Variants in RFT1 observed in about 807,000 individuals in gnomAD.
The protein encoded by RFT1 is man(5)GlcNAc(2)-PP-dolichol translocation protein RFT1.
RFT1 carries 43 observed loss-of-function variants against 62.2 expected under a neutral mutation model. That is an observed-to-expected ratio of 0.69 (90% CI 0.54 to 0.89). The LOEUF (loss-of-function observed/expected upper bound fraction) is 0.89, where lower values mean the gene tolerates loss of function less well. RFT1 is among the 40% of genes least tolerant of loss of function. The pLI is 0.00. For synonymous variants in RFT1, 262 were observed against 264.6 expected, an observed-to-expected ratio of 0.99 and a Z score of 0.10; for missense variants, 605 against 649.9, an observed-to-expected ratio of 0.93 and a Z score of 0.75.
chr3:53,068,373 G>A, the RFT1 span, among the ~76,000 whole-genome samples: 10,711 of 152,196 alleles, frequency 0.07, 446 homozygotes, highest in East Asian at 0.12. Flanking sequence ...CACAGTCACC[G>A]TTTATTGGGC....
chr3:53,106,661 G>A (rs1701484109), intron 8 of RFT1, among the ~76,000 whole-genome samples, 158 bp downstream of exon 8: 1 of 152,102 alleles, frequency 6.6e-6, no homozygotes. Flanking sequence ...AAGTCATGTT[G>A]GAGGGCATAG....
intron 11 of RFT1, among the ~76,000 whole-genome samples, chr3:53,098,657 C>T (rs1415237630): frequency 6.6e-6 from 1 of 151,994 alleles, no homozygotes; most frequent in Non-Finnish European, 1.5e-5. Flanking sequence ...AAAAAATTAG[C>T]CAGGCATGGT....
At chr3:53,074,033 G>T in the RFT1 span, among the ~76,000 whole-genome samples, 1 of 152,166 alleles carries the variant, frequency 6.6e-6, no homozygotes, top group Admixed American at 6.5e-5. Flanking sequence ...GGCAGGCCCT[G>T]CGAGGGCCCA....
At chr3:53,127,589 C>A (rs1246413397) in intron 1 of RFT1, among the ~76,000 whole-genome samples, 2 of 151,326 alleles carry the variant, frequency 1.3e-5, no homozygotes, top group Non-Finnish European at 2.9e-5. Context: ...TAAGTCCCAG[C>A]TACTCGGGAG....
At chr3:53,096,685 A>G (rs1701150560) in intron 11 of RFT1, among the ~76,000 whole-genome samples, 1 of 152,106 alleles carries the variant, frequency 6.6e-6, no homozygotes, top group East Asian at 1.9e-4. Flanking sequence ...TCTTGTCTCA[A>G]AAAAAAGCAA....
intron 7 of RFT1, 82 bp downstream of exon 7, chr3:53,111,748 G>A (rs1045762952): frequency 2.6e-6 from 3 of 1,164,310 alleles, no homozygotes; most frequent in African/African-American, 3.0e-5. Context: ...TGGACAGGTG[G>A]TCTGGACCCA....
chr3:53,105,895 AGTTT>A, intron 8 of RFT1, 92 bp from the exon 9 acceptor site: 2 of 1,210,768 alleles, frequency 1.7e-6, no homozygotes, highest in Middle Eastern at 2.9e-4. Flanking sequence ...TTTTCATTAA[AGTTT>A]GTTTATCTTG....
At position 53,105,727 on chromosome 3, in the gene RFT1, A is replaced by G; in HGVS notation, c.903T>C (p.Tyr301=). 3.1e-6 allele frequency: 5 copies of G among 1,613,984 alleles called. No homozygotes were observed. The highest frequency in any genetic ancestry group is 4.2e-6 in the Non-Finnish European group (5 of 1,179,910). The part of the protein sequence containing the change: ...LIFQPIEESF[Y]IFFAKVLERG... ...TCTCCAGCACCTTAGCAAAAAATATATAAAAACTTTCCTCTATTGGCTGGA... is the reference window on the plus strand; with the variant it reads ...TCTCCAGCACCTTAGCAAAAAATATGTAAAAACTTTCCTCTATTGGCTGGA... Residue 301 remains tyrosine, a synonymous_variant, in exon 9 of 13, where the codon TAT becomes TAC. Coordinates refer to ENST00000296292, the MANE Select transcript of RFT1 (RefSeq NM_052859.4).
At chr3:53,105,208 G>A (rs1701428632) in intron 9 of RFT1, among the ~76,000 whole-genome samples, 1 of 152,238 alleles carries the variant, frequency 6.6e-6, no homozygotes, top group Non-Finnish European at 1.5e-5. Context: ...GAAGTCAGGA[G>A]TTCAAGAGCA....
In RFT1 at chr3:53,092,313, G is replaced by A. The variant is rs370562071; in HGVS notation, c.1458+56C>T. The stretch of plus-strand genomic sequence containing the variant: ...AACCTGGGAAGAGGAGGCCTAGCGG[G>A]AGAGACAGCGGGGCAGCTGCAGAAG... On this transcript the variant is annotated intron_variant, in intron 12 of 12. Transcript: ENST00000296292. 6.4e-6 allele frequency: 10 copies of A among 1,570,594 alleles called. No homozygotes were observed. In the East Asian group the frequency reaches 1.6e-4, roughly 26 times the overall value.
chr3:53,128,875 G>A (rs758256010), intron 1 of RFT1, among the ~76,000 whole-genome samples: 2 of 152,182 alleles, frequency 1.3e-5, no homozygotes, highest in African/African-American at 4.8e-5. Context: ...TAAAAACAAC[G>A]AGGTAAATGC....
At chr3:53,107,136 GTTT>G (rs144970745) in intron 7 of RFT1, among the ~76,000 whole-genome samples, 202 of 140,130 alleles carry the variant, frequency 1.4e-3, no homozygotes, top group Non-Finnish European at 1.8e-3. Flanking sequence ...GTCTAAAAAG[GTTT>G]TTTTTTTTTT....
chr3:53,096,880 G>A (rs1247428496), intron 11 of RFT1, among the ~76,000 whole-genome samples: 1 of 151,984 alleles, frequency 6.6e-6, no homozygotes, highest in Non-Finnish European at 1.5e-5. Flanking sequence ...GGGTAGCTGG[G>A]ATTACAGGCG....
downstream of RFT1, among the ~76,000 whole-genome samples, chr3:53,084,918 G>A (rs773551929): frequency 7.9e-5 from 12 of 152,182 alleles, no homozygotes; most frequent in Admixed American, 2.6e-4. Flanking sequence ...GGGATGAACC[G>A]TGCCACTCTG....
At chr3:53,092,312 G>A (rs1701014598) in intron 12 of RFT1, 57 bp downstream of exon 12, 4 of 1,570,310 alleles carry the variant, frequency 2.5e-6, no homozygotes, top group Non-Finnish European at 1.7e-6. Flanking sequence ...AGGCCTAGCG[G>A]GAGAGACAGC....
intron 6 of RFT1, among the ~76,000 whole-genome samples, chr3:53,113,231 G>A (rs1701701250): frequency 6.6e-6 from 1 of 151,956 alleles, no homozygotes; most frequent in African/African-American, 2.4e-5. Context: ...TGCCCAGGCT[G>A]GTCTCAAACT....
intron 3 of RFT1, 109 bp from the exon 4 acceptor site, chr3:53,122,672 T>C (rs1340821077): frequency 1.5e-6 from 1 of 656,178 alleles, no homozygotes; most frequent in Non-Finnish European, 2.2e-6. Context: ...ACAGCTACCA[T>C]TTATTTATAA....
At chr3:53,098,920 G>C (rs1294710460) in intron 11 of RFT1, among the ~76,000 whole-genome samples, 1 of 151,636 alleles carries the variant, frequency 6.6e-6, no homozygotes, top group Admixed American at 6.6e-5. Flanking sequence ...GTGTGCACTT[G>C]GGCTTTTCTC....
At chr3:53,124,929 G>A (rs1377255156) in intron 2 of RFT1, among the ~76,000 whole-genome samples, 4 of 152,176 alleles carry the variant, frequency 2.6e-5, no homozygotes, top group African/African-American at 9.7e-5. Context: ...CCATGATGGC[G>A]CCACTGAACA....
Sources: gnomAD v4.1 joint callset for allele counts (sites outside exome capture counted in the v4.1 genomes callset) on GRCh38, gnomAD v4.1.1 for gene constraint, MANE v1.5 for transcripts, NCBI Gene and HGNC (gene_info 2026-07-23, HGNC 2026-07-21) for gene names.